Variants in METTL16 observed in about 807,000 individuals in gnomAD.
METTL16 encodes RNA N(6)-adenosine-methyltransferase METTL16.
A neutral mutation model predicts 57.9 loss-of-function variants in METTL16; 19 were observed. The ratio of observed to expected loss-of-function variants is 0.33; its 90% CI spans 0.23 to 0.48. The LOEUF (loss-of-function observed/expected upper bound fraction) is 0.48, where lower values mean the gene tolerates loss of function less well. METTL16 is among the 20% of genes least tolerant of loss of function. The pLI is 0.99. For synonymous variants in METTL16, 246 were observed against 255.6 expected, an observed-to-expected ratio of 0.96 and a Z score of 0.36; for missense variants, 434 against 691.5, an observed-to-expected ratio of 0.63 and a Z score of 4.18.
chr17:2,477,976 T>A (rs990139879), intron 2 of METTL16, 91 bp from the exon 3 acceptor site: 9 of 1,018,174 alleles, frequency 8.8e-6, no homozygotes, highest in Non-Finnish European at 1.3e-5. Flanking sequence ...CAAATACCCA[T>A]CCGAACCTCC....
Position 2,478,008 on chromosome 17 carries a change from C to G in METTL16, c.129-123G>C, listed in dbSNP as rs148758741. 1,668 of 706,556 alleles carry G rather than the reference C, an allele frequency of 2.4e-3. 10 individuals are homozygous for G. Among genetic ancestry groups the G allele is most frequent in the South Asian group, 0.012 (683 of 55,612 alleles). 43.8% of individuals were successfully genotyped at this position (706,556 alleles called of 1,614,324 possible). A position where few individuals can be genotyped will look rare whatever the true frequency, so the allele number is the denominator to read the frequency against. On this transcript the variant is annotated intron_variant, in intron 2 of 9. Coordinates refer to ENST00000263092, the MANE Select transcript of METTL16 (RefSeq NM_024086.4). ...CTCCCAGGGAGATCACACACAGTTA[C>G]ACAGAGCACTCATCCCAGTGGCACA... is the stretch of plus-strand genomic sequence containing the variant.
rs539274165 is a variant in METTL16 at position 2,474,869 on chromosome 17, G to A, written c.329-1205C>T. ...TGGGAGGCGGAGGTTGCAGTGAGCCGAGATCGTGCCATTGCACTCCAGCCT... is the reference window on the plus strand; with the variant it reads ...TGGGAGGCGGAGGTTGCAGTGAGCCAAGATCGTGCCATTGCACTCCAGCCT... On this transcript the variant is annotated intron_variant, in intron 3 of 9. Transcript: ENST00000263092. Among the ~76,000 whole-genome samples the A allele has an allele frequency of 5.9e-5, 9 of 152,200 alleles. No homozygotes were observed. The South Asian group carries it at 6.2e-4, about 11-fold the overall frequency.
intron 5 of METTL16, among the ~76,000 whole-genome samples, chr17:2,467,289 G>A (rs923905055): frequency 9.9e-5 from 15 of 152,084 alleles, no homozygotes; most frequent in Admixed American, 9.2e-4. Flanking sequence ...GACGGGCGGG[G>A]GACTGCTTGA....
intron 2 of METTL16, among the ~76,000 whole-genome samples, chr17:2,486,273 ACT>A (rs1434667157): frequency 6.7e-6 from 1 of 150,086 alleles, no homozygotes; most frequent in Non-Finnish European, 1.5e-5. Flanking sequence ...CCAGGATACT[ACT>A]CTTTTTTTTT....
intron 6 of METTL16, among the ~76,000 whole-genome samples, chr17:2,450,186 T>C (rs1005916374): frequency 6.6e-6 from 1 of 152,210 alleles, no homozygotes; most frequent in Admixed American, 6.5e-5. Flanking sequence ...ATGTTCAGTT[T>C]TATTCCTACT....
rs2066741087 is a variant in METTL16 at position 2,419,127 on chromosome 17, A to T, written c.*843T>A. On this transcript the variant is annotated 3_prime_UTR_variant, in exon 10 of 10. Coordinates refer to ENST00000263092, the MANE Select transcript of METTL16 (RefSeq NM_024086.4). ...TTCTCATTTCTATCATCAGCCGCTC[A>T]CTCAGCTAACCCCAGGATTCAAATA... 6.4e-6 allele frequency: 1 copy of T among 156,214 alleles called. No individual in the cohort carries two copies. Among genetic ancestry groups the T allele is most frequent in the Non-Finnish European group, 1.4e-5 (1 of 70,622 alleles). The allele number at this position is 156,214 out of a possible 1,614,324, so 9.7% of individuals were successfully genotyped here.
chr17:2,507,498 G>C, intron 1 of METTL16, among the ~76,000 whole-genome samples: 1 of 149,960 alleles, frequency 6.7e-6, no homozygotes, highest in African/African-American at 2.4e-5. Flanking sequence ...GTCCGGGAGG[G>C]AGGTGGGGGG....
intron 8 of METTL16, among the ~76,000 whole-genome samples, chr17:2,432,193 G>A (rs1047013627): frequency 4.6e-5 from 7 of 152,132 alleles, no homozygotes; most frequent in African/African-American, 1.4e-4. Context: ...CTCGTGATCC[G>A]CCTGCCTTGG....
intron 6 of METTL16, among the ~76,000 whole-genome samples, chr17:2,457,424 C>T (rs892783946): frequency 1.3e-5 from 2 of 149,338 alleles, no homozygotes; most frequent in South Asian, 2.1e-4. Context: ...AGTTAAAAAT[C>T]GGCCGGGCAC....
At chr17:2,484,353 A>T (rs945646512) in intron 2 of METTL16, among the ~76,000 whole-genome samples, 3 of 152,206 alleles carry the variant, frequency 2.0e-5, no homozygotes, top group African/African-American at 7.2e-5. Flanking sequence ...ATGTGAGGTA[A>T]CCTAAACATA....
chr17:2,469,450 C>A (rs751260043), intron 4 of METTL16, among the ~76,000 whole-genome samples: 1 of 152,124 alleles, frequency 6.6e-6, no homozygotes. Context: ...GCTTTATACA[C>A]AGAATGGTCA....
intron 3 of METTL16, among the ~76,000 whole-genome samples, chr17:2,475,890 T>C (rs575726737): frequency 6.6e-6 from 1 of 152,194 alleles, no homozygotes; most frequent in Non-Finnish European, 1.5e-5. Flanking sequence ...TTTAGAGGGT[T>C]TGGGGCATAA....
chr17:2,432,414 C>A (rs2066879724), intron 8 of METTL16, among the ~76,000 whole-genome samples: 1 of 151,956 alleles, frequency 6.6e-6, no homozygotes, highest in Non-Finnish European at 1.5e-5. Context: ...TAAAATAATA[C>A]AAAAATTAGC....
At chr17:2,447,612 G>A (rs1191631010) in intron 6 of METTL16, among the ~76,000 whole-genome samples, 7 of 108,424 alleles carry the variant, frequency 6.5e-5, no homozygotes, top group Non-Finnish European at 9.1e-5. Flanking sequence ...CAGCCGCCCA[G>A]TCCGGGAGGT....
chr17:2,470,126 C>A (rs1035541561), intron 4 of METTL16, among the ~76,000 whole-genome samples: 1 of 152,162 alleles, frequency 6.6e-6, no homozygotes, highest in African/African-American at 2.4e-5. Context: ...TTCACTAACA[C>A]TGAACTCATG....
intron 2 of METTL16, among the ~76,000 whole-genome samples, chr17:2,490,304 T>C (rs1272725397): frequency 6.6e-6 from 1 of 152,224 alleles, no homozygotes; most frequent in Non-Finnish European, 1.5e-5. Context: ...CCAGTCTTAT[T>C]CTTTTTAATG....
rs2067008049 is a variant in METTL16 at position 2,447,344 on chromosome 17, C to T, written c.729-5785G>A. ...AGAAGTGAGGAAACCCTCTGCCTGG[C>T]AACCGCCCCGTCTGAGAAGTGAGGA... On this transcript the variant is annotated intron_variant, in intron 6 of 9. Coordinates refer to ENST00000263092, the MANE Select transcript of METTL16 (RefSeq NM_024086.4). Among the ~76,000 whole-genome samples, 3 of 140,414 alleles carry T rather than the reference C, an allele frequency of 2.1e-5. No homozygotes were observed. In the South Asian group the frequency reaches 6.8e-4, roughly 32 times the overall value. The allele number at this position is 140,414 out of a possible 152,430, so 92.1% of individuals were successfully genotyped here.
At chr17:2,441,400 A>G (rs1057103001) in intron 7 of METTL16, 90 bp downstream of exon 7, 8 of 866,430 alleles carry the variant, frequency 9.2e-6, no homozygotes, top group Admixed American at 3.5e-5. Context: ...CTTCACCACA[A>G]TGCAATATAT....
At chr17:2,492,090 A>C (rs1427529327) in intron 2 of METTL16, among the ~76,000 whole-genome samples, 1 of 151,156 alleles carries the variant, frequency 6.6e-6, no homozygotes, top group African/African-American at 2.4e-5. Flanking sequence ...GGGTGCCTGT[A>C]GTCCCAGCTA....
Sources: allele counts gnomAD v4.1 joint callset (sites outside exome capture counted in the v4.1 genomes callset), GRCh38; gene constraint gnomAD v4.1.1; transcripts MANE v1.5; gene names NCBI Gene and HGNC (gene_info 2026-07-23, HGNC 2026-07-21).